ZNF566: variants seen among roughly 807,000 people sequenced by gnomAD.
ZNF566 encodes zinc finger protein 566.
ZNF566 carries 27 observed loss-of-function variants against 32.8 expected under a neutral mutation model. The ratio of observed to expected loss-of-function variants is 0.82; its 90% CI spans 0.61 to 1.14. The LOEUF (loss-of-function observed/expected upper bound fraction) is 1.14, where lower values mean the gene tolerates loss of function less well. ZNF566 is among the 50% of genes most tolerant of loss of function. The pLI, the probability that ZNF566 is intolerant of heterozygous loss-of-function variation, is 0.00. For missense variants in ZNF566, 402 were observed against 490.4 expected, an observed-to-expected ratio of 0.82 and a Z score of 1.70; for synonymous variants, 154 against 159.5, an observed-to-expected ratio of 0.97 and a Z score of 0.26.
intron 1 of ZNF566, among the ~76,000 whole-genome samples, chr19:36,485,784 G>A (rs1207042535): frequency 2.7e-5 from 4 of 150,814 alleles, no homozygotes; most frequent in South Asian, 4.2e-4. Flanking sequence ...GGTCAGGCGC[G>A]GTGGCTCACG....
At chr19:36,457,806 G>A (rs551112083) in intron 4 of ZNF566, among the ~76,000 whole-genome samples, 3 of 152,290 alleles carry the variant, frequency 2.0e-5, no homozygotes, top group South Asian at 2.1e-4. Flanking sequence ...TGGGAGAATC[G>A]CTTGAACCCC....
chr19:36,466,280 T>C (rs1366033627), intron 4 of ZNF566, among the ~76,000 whole-genome samples: 3 of 152,130 alleles, frequency 2.0e-5, no homozygotes, highest in Non-Finnish European at 2.9e-5. Flanking sequence ...AAGACAACAA[T>C]GTACAGCTGT....
intron 4 of ZNF566, among the ~76,000 whole-genome samples, chr19:36,459,269 T>C (rs9676958): frequency 0.27 from 41,202 of 152,038 alleles, 5,702 homozygotes; most frequent in Non-Finnish European, 0.31. Flanking sequence ...ATTCAGATGG[T>C]TCCCTTTTTG....
chr19:36,451,713 A>G (rs1006861420), intron 4 of ZNF566, among the ~76,000 whole-genome samples: 2 of 152,206 alleles, frequency 1.3e-5, no homozygotes, highest in African/African-American at 2.4e-5. Context: ...TGTAAATACT[A>G]TGGAAGAATT....
intron 4 of ZNF566, among the ~76,000 whole-genome samples, chr19:36,461,038 A>T (rs2033447495): frequency 6.6e-6 from 1 of 152,152 alleles, no homozygotes; most frequent in African/African-American, 2.4e-5. Flanking sequence ...GTGCCCTCAG[A>T]GTCTGTGTGA....
intron 1 of ZNF566, among the ~76,000 whole-genome samples, chr19:36,481,431 A>C (rs2034027178): frequency 6.9e-6 from 1 of 145,220 alleles, no homozygotes; most frequent in Non-Finnish European, 1.5e-5. Flanking sequence ...AGATCGCGCC[A>C]CTGCACTCCA....
chr19:36,462,956 C>CAAAAAAAAAAAAAAAAAAAAAA (rs755283751), intron 4 of ZNF566, among the ~76,000 whole-genome samples: 2 of 38,558 alleles, frequency 5.2e-5, no homozygotes, highest in Non-Finnish European at 8.9e-5. Context: ...GACTCTGTCT[C>CAAAAAAAAAAAAAAAAAAAAAA]AAAAAAAAAA....
intron 1 of ZNF566, among the ~76,000 whole-genome samples, chr19:36,485,172 G>A (rs1451496092): frequency 1.3e-5 from 2 of 151,312 alleles, no homozygotes; most frequent in African/African-American, 2.4e-5. Flanking sequence ...TGCAGGCTGG[G>A]TGTGGCAATC....
chr19:36,468,126 G>A (rs1277363925), intron 4 of ZNF566, among the ~76,000 whole-genome samples: 5 of 149,586 alleles, frequency 3.3e-5, no homozygotes, highest in Admixed American at 6.7e-5. Context: ...CAGAGGTTGC[G>A]GTGAGCCGAG....
In ZNF566 at chr19:36,448,341, G is replaced by T. The variant is rs2033047148; in HGVS notation, c.*636C>A. 6.6e-6 allele frequency: 1 copy of T among 151,992 alleles called. No individual in the cohort carries two copies. 9.4% of individuals were successfully genotyped at this position (151,992 alleles called of 1,614,324 possible). ...AGGAGACTACGATATCCACCAATAG[G>T]ATTTCATAAGTGATATTACAGTAAC... On this transcript the variant is annotated 3_prime_UTR_variant, in exon 5 of 5. Transcript: ENST00000452939.
rs1339106443 is a variant in ZNF566, at chr19:36,446,305, ACT to A, written c.*2670_*2671del. ...TTTTTTTTGAGACAGATTTTTTGAG[ACT>A]CTGTCATGCAGGCTGGAGTGCAGTC... On this transcript the variant is annotated 3_prime_UTR_variant, in exon 5 of 5. Transcript: ENST00000452939. 5.0e-5 allele frequency: 7 copies of A among 139,444 alleles called. No individual in the cohort carries two copies. Among genetic ancestry groups the A allele is most frequent in the Non-Finnish European group, 7.6e-5 (5 of 65,548 alleles). The allele number at this position is 139,444 out of a possible 1,614,324, so 8.6% of individuals were successfully genotyped here.
chr19:36,468,041 C>T (rs1398019398), intron 4 of ZNF566, among the ~76,000 whole-genome samples: 2 of 150,550 alleles, frequency 1.3e-5, no homozygotes, highest in African/African-American at 2.5e-5. Flanking sequence ...CAAAATTAGC[C>T]GGGCGTGGTG....
intron 4 of ZNF566, among the ~76,000 whole-genome samples, chr19:36,462,711 C>A (rs2145662376): frequency 6.6e-6 from 1 of 151,680 alleles, no homozygotes; most frequent in South Asian, 2.1e-4. Context: ...TACACACAAG[C>A]AAGAGATTGC....
chr19:36,483,644 T>C (rs2034088099), intron 1 of ZNF566, among the ~76,000 whole-genome samples: 1 of 151,732 alleles, frequency 6.6e-6, no homozygotes, highest in Admixed American at 6.6e-5. Context: ...AAAATAAATA[T>C]CCATGAGTCC....
At chr19:36,478,301 G>T (rs186232717) in intron 1 of ZNF566, among the ~76,000 whole-genome samples, 91 of 152,172 alleles carry the variant, frequency 6.0e-4, no homozygotes, top group African/African-American at 2.1e-3. Context: ...ATATATAATA[G>T]CCAGGCATTG....
chr19:36,480,095 T>C (rs1048795505), intron 1 of ZNF566, among the ~76,000 whole-genome samples: 1 of 152,024 alleles, frequency 6.6e-6, no homozygotes, highest in African/African-American at 2.4e-5. Flanking sequence ...ATTTGGAAAT[T>C]AGAAGAGCTT....
Position 36,449,588 on chromosome 19 carries a change from GA to G in ZNF566, c.645del (p.His216IlefsTer232). On this transcript the variant is annotated frameshift_variant, in exon 5 of 5. Transcript: ENST00000452939. LOFTEE classifies it high-confidence loss of function. ...TTGCCAGTATGAATTTTCTGATGAT[GA>G]GTGAGTCTTGAGGGATGTCTAAAGG... Reference protein sequence around the residue: ...GKSFRHPSRLTHHQKIHTGKK... With the variant: ...GKSFRHPSRLXHHQKIHTGKK... 6 of 1,614,094 alleles carry G rather than the reference GA, an allele frequency of 3.7e-6. No homozygotes were observed. Among genetic ancestry groups the G allele is most frequent in the Non-Finnish European group, 5.1e-6 (6 of 1,180,014 alleles).
chr19:36,462,850 G>A (rs558834588), intron 4 of ZNF566, among the ~76,000 whole-genome samples: 1 of 148,248 alleles, frequency 6.7e-6, no homozygotes, highest in African/African-American at 2.5e-5. Context: ...CAAGCTACTC[G>A]AGAGGCTGAG....
chr19:36,450,788 T>C (rs2033136252), intron 4 of ZNF566, among the ~76,000 whole-genome samples: 1 of 152,222 alleles, frequency 6.6e-6, no homozygotes, highest in African/African-American at 2.4e-5. Context: ...TTTTTATAAA[T>C]GAAGTTTTAT....
Sources: gnomAD v4.1 joint callset for allele counts (sites outside exome capture counted in the v4.1 genomes callset) on GRCh38, gnomAD v4.1.1 for gene constraint, MANE v1.5 for transcripts, NCBI Gene and HGNC (gene_info 2026-07-23, HGNC 2026-07-21) for gene names.